CRYL1: variants seen among roughly 807,000 people sequenced by gnomAD.
The protein encoded by CRYL1 is lambda-crystallin homolog.
In CRYL1, 29 loss-of-function variants were observed where a neutral mutation model predicts 36.6. The ratio of observed to expected loss-of-function variants is 0.79; its 90% CI spans 0.59 to 1.08. The LOEUF (loss-of-function observed/expected upper bound fraction) is 1.08, where lower values mean the gene tolerates loss of function less well. Ranked by LOEUF, CRYL1 falls within the 50% of genes least tolerant of loss-of-function variation. The pLI is 0.00. For missense variants in CRYL1, 411 were observed against 407.9 expected (o/e 1.01, Z -0.06); for synonymous variants, 152 against 151.5 (o/e 1.00, Z -0.02).
At chr13:20,430,338 C>T (rs1471882710) in intron 5 of CRYL1, 2 of 985,282 alleles carry the variant, frequency 2.0e-6, no homozygotes, top group African/African-American at 1.7e-5. Flanking sequence ...TACAGGGACT[C>T]CAGGCATCTG....
At chr13:20,456,535 G>T (rs2032689769) in intron 3 of CRYL1, among the ~76,000 whole-genome samples, 1 of 150,636 alleles carries the variant, frequency 6.6e-6, no homozygotes, top group African/African-American at 2.4e-5. Context: ...AGGATTGCTT[G>T]AGCCCAGGAG....
At chr13:20,487,293 G>C (rs1000788025) in intron 3 of CRYL1, among the ~76,000 whole-genome samples, 1 of 151,298 alleles carries the variant, frequency 6.6e-6, no homozygotes, top group Non-Finnish European at 1.5e-5. Context: ...GGAATCACAA[G>C]TGTATTATTA....
Position 20,463,715 on chromosome 13 carries a change from T to C in CRYL1, c.277-23961A>G, listed in dbSNP as rs9552190. Reference sequence around the variant, plus strand: ...GACCTATCATTTCACATTCAACAGATTGGAAAAACTAAATAATCTGATGAT... The same window carrying C: ...GACCTATCATTTCACATTCAACAGACTGGAAAAACTAAATAATCTGATGAT... On this transcript the variant is annotated intron_variant, in intron 3 of 7. Transcript: ENST00000298248. 0.14 allele frequency among the ~76,000 whole-genome samples: 21,394 copies of C among 152,018 alleles called. 1,947 individuals carry two copies. The highest frequency in any genetic ancestry group is 0.19 in the Non-Finnish European group (12,599 of 67,982).
intron 1 of CRYL1, among the ~76,000 whole-genome samples, chr13:20,522,882 C>G (rs1421652776): frequency 2.1e-5 from 3 of 141,884 alleles, no homozygotes; most frequent in Non-Finnish European, 4.6e-5. Context: ...TACTCCAATG[C>G]AAATTTATCT....
rs61955540 is a variant in CRYL1, at chr13:20,525,459, C to T, written c.41+295G>A. Among the ~76,000 whole-genome samples, 29,248 of 152,148 alleles carry T rather than the reference C, an allele frequency of 0.19. 2,968 individuals carry two copies. The highest frequency in any genetic ancestry group is 0.38 in the East Asian group (1,959 of 5,134). The stretch of plus-strand genomic sequence containing the variant: ...CAGACGCGGCGACATTCAACAGAGT[C>T]CAGGAACCGCAGGCCCCGCGGCCTG... On this transcript the variant is annotated intron_variant, in intron 1 of 7. Coordinates refer to ENST00000298248, the MANE Select transcript of CRYL1 (RefSeq NM_015974.3). This position sits in a 1 kb window ranked among gnomAD's most constrained non-coding sequence, Gnocchi z 4.3.
In CRYL1 at chr13:20,481,274, A is replaced by G. The variant is rs1249144419; in HGVS notation, c.276+8096T>C. Among the ~76,000 whole-genome samples, 2 of 152,210 alleles carry G rather than the reference A, an allele frequency of 1.3e-5. No individual in the cohort carries two copies. Among genetic ancestry groups the G allele is most frequent in the African/African-American group, 4.8e-5 (2 of 41,448 alleles). On this transcript the variant is annotated intron_variant, in intron 3 of 7. Coordinates refer to ENST00000298248, the MANE Select transcript of CRYL1 (RefSeq NM_015974.3). The surrounding 1 kb of genome is among the most constrained non-coding windows in gnomAD (Gnocchi z 4.1). ...CATACCACTCAGCAACAAATTACCA[A>G]TCAACACAACCACACAAGCCACGTC...
At chr13:20,430,510 A>G (rs2032035291) in intron 5 of CRYL1, 1 of 985,316 alleles carries the variant, frequency 1.0e-6, no homozygotes, top group Non-Finnish European at 1.2e-6. Flanking sequence ...CAGGGTGGAC[A>G]TCGTGAGTCA....
intron 2 of CRYL1, among the ~76,000 whole-genome samples, chr13:20,490,189 G>A (rs575971048): frequency 4.6e-5 from 7 of 152,278 alleles, no homozygotes; most frequent in Non-Finnish European, 1.0e-4. Context: ...TCAGCAGTTC[G>A]AGACCAGCCT....
At chr13:20,421,577 G>A (rs1390554390) in intron 5 of CRYL1, among the ~76,000 whole-genome samples, 1 of 152,136 alleles carries the variant, frequency 6.6e-6, no homozygotes, top group Non-Finnish European at 1.5e-5. Context: ...GAAGAGGGAT[G>A]CAGTGTCATT....
At chr13:20,433,796 A>T (rs1438411730) in intron 4 of CRYL1, 1 of 154,380 alleles carries the variant, frequency 6.5e-6, no homozygotes, top group Non-Finnish European at 1.5e-5. Flanking sequence ...TGAGACAAGG[A>T]GTTAGAAAGC....
chr13:20,456,638 A>ACAC (rs5802075), intron 3 of CRYL1, among the ~76,000 whole-genome samples: 6,147 of 137,626 alleles, frequency 0.045, 298 homozygotes, highest in African/African-American at 0.13. Flanking sequence ...ACACACACAC[A>ACAC]AAGACCACGA....
At chr13:20,427,988 T>C (rs986291120) in intron 5 of CRYL1, among the ~76,000 whole-genome samples, 1 of 152,098 alleles carries the variant, frequency 6.6e-6, no homozygotes, top group African/African-American at 2.4e-5. Context: ...ACAATCCAAA[T>C]GGTTCCATAA....
chr13:20,519,702 G>T (rs943833947), intron 1 of CRYL1, among the ~76,000 whole-genome samples: 3 of 152,060 alleles, frequency 2.0e-5, no homozygotes, highest in African/African-American at 7.2e-5. Context: ...TAGATAAACG[G>T]CAAGAAAAAT....
At chr13:20,428,724 T>A (rs1433618253) in intron 5 of CRYL1, among the ~76,000 whole-genome samples, 2 of 152,162 alleles carry the variant, frequency 1.3e-5, no homozygotes, top group Non-Finnish European at 2.9e-5. Flanking sequence ...CCCTGGAAAT[T>A]CATACTTTCA....
At chr13:20,427,004 A>G in intron 5 of CRYL1, 1 of 985,556 alleles carries the variant, frequency 1.0e-6, no homozygotes, top group South Asian at 4.7e-5. Flanking sequence ...CAGGCTGAGA[A>G]CCTGCCGAGG....
intron 3 of CRYL1, among the ~76,000 whole-genome samples, chr13:20,469,529 C>A (rs117109159): frequency 1.5e-3 from 231 of 152,296 alleles, no homozygotes; most frequent in Non-Finnish European, 2.6e-3. Context: ...GAGTGGCTCA[C>A]ATCACAGAAA....
intron 6 of CRYL1, 146 bp downstream of exon 6, chr13:20,413,136 G>A (rs2031566488): frequency 3.3e-6 from 2 of 600,134 alleles, no homozygotes; most frequent in Admixed American, 3.2e-5. Context: ...TCGAATCCCT[G>A]CCTTGTCTGT....
chr13:20,490,688 G>A (rs1328073160), intron 2 of CRYL1, among the ~76,000 whole-genome samples: 1 of 151,958 alleles, frequency 6.6e-6, no homozygotes, highest in Admixed American at 6.6e-5. Context: ...GGAAAACAGT[G>A]GTTCTTAATC....
At chr13:20,444,708 T>C (rs920114247) in intron 3 of CRYL1, among the ~76,000 whole-genome samples, 1 of 152,172 alleles carries the variant, frequency 6.6e-6, no homozygotes, top group Non-Finnish European at 1.5e-5. Flanking sequence ...AAGGAACAAG[T>C]GAGAGTTTTG....
Sources: allele counts gnomAD v4.1 joint callset (sites outside exome capture counted in the v4.1 genomes callset), GRCh38; gene constraint gnomAD v4.1.1; non-coding constraint Gnocchi (gnomAD v3.1); transcripts MANE v1.5; gene names NCBI Gene and HGNC (gene_info 2026-07-23, HGNC 2026-07-21).